FAM53B: variants seen among roughly 807,000 people sequenced by gnomAD.
FAM53B encodes family with sequence similarity 53 member B, also known as protein FAM53B.
In FAM53B, 12 loss-of-function variants were observed where a neutral mutation model predicts 32.7. The observed-to-expected ratio is 0.37, with a 90% confidence interval of 0.24 to 0.59. The LOEUF is 0.59. Among genes scored for constraint, FAM53B ranks in the 20% least tolerant of loss-of-function variants. The pLI is 0.72. For missense variants in FAM53B, 477 were observed against 577.7 expected (o/e 0.83, Z 1.79); for synonymous variants, 234 against 228.7 (o/e 1.02, Z -0.21).
chr10:124,716,756 A>T (rs1007136083), intron 1 of FAM53B, among the ~76,000 whole-genome samples: 1 of 152,148 alleles, frequency 6.6e-6, no homozygotes, highest in Non-Finnish European at 1.5e-5. Flanking sequence ...GACACACTCA[A>T]AAGGAAGGAG....
chr10:124,702,485 C>T (rs182475324), intron 2 of FAM53B, among the ~76,000 whole-genome samples: 4 of 152,316 alleles, frequency 2.6e-5, no homozygotes, highest in Non-Finnish European at 5.9e-5. Context: ...TTATTTACAT[C>T]GTGTGTCTCT....
intron 1 of FAM53B, 76 bp from the exon 2 acceptor site, chr10:124,706,963 TACTGGAAATCCCAGGGG>T: frequency 1.5e-6 from 2 of 1,310,444 alleles, no homozygotes; most frequent in South Asian, 3.2e-5. Flanking sequence ...CCTCCCACAG[TACTGGAAATCCCAGGGG>T]ACTGGAACCA....
At chr10:124,739,697 T>C (rs1249063402) in intron 1 of FAM53B, among the ~76,000 whole-genome samples, 1 of 151,826 alleles carries the variant, frequency 6.6e-6, no homozygotes, top group Non-Finnish European at 1.5e-5. Context: ...GGCCAAGCTG[T>C]CCCCCATCCC....
chr10:124,657,636 T>C (rs889363293), intron 4 of FAM53B, among the ~76,000 whole-genome samples: 3 of 152,256 alleles, frequency 2.0e-5, no homozygotes, highest in African/African-American at 4.8e-5. Context: ...GTAGAAACAG[T>C]AAATGTCAAT....
chr10:124,718,856 G>A (rs1305851993), intron 1 of FAM53B, among the ~76,000 whole-genome samples: 1 of 152,170 alleles, frequency 6.6e-6, no homozygotes, highest in Non-Finnish European at 1.5e-5. Context: ...AAGACCAGCT[G>A]GGCAACATGG....
At chr10:124,696,429 G>A (rs1411653349) in intron 2 of FAM53B, among the ~76,000 whole-genome samples, 3 of 152,172 alleles carry the variant, frequency 2.0e-5, no homozygotes, top group Admixed American at 6.5e-5. Context: ...GGAGTCCATC[G>A]AGTTAATGGG....
In FAM53B at chr10:124,643,371, C is replaced by T. The variant is rs895670678; in HGVS notation, c.907-19767G>A. On this transcript the variant is annotated intron_variant, in intron 4 of 4. Coordinates refer to ENST00000337318, the MANE Select transcript of FAM53B (RefSeq NM_014661.4). ...GGCCCTCAGCAGTTCTCCCTATTCA[C>T]GACGCGCAGGTGGCTGATAAATTTC... is the stretch of plus-strand genomic sequence containing the variant. Among the ~76,000 whole-genome samples the T allele has an allele frequency of 1.5e-4, 23 of 152,270 alleles. 1 individual carries two copies. Among genetic ancestry groups the T allele is most frequent in the African/African-American group, 3.6e-4 (15 of 41,472 alleles).
At chr10:124,697,868 C>T (rs1375427124) in intron 2 of FAM53B, among the ~76,000 whole-genome samples, 1 of 152,162 alleles carries the variant, frequency 6.6e-6, no homozygotes, top group Non-Finnish European at 1.5e-5. Flanking sequence ...TCCCCTCTAC[C>T]GCCATCTGTG....
intron 1 of FAM53B, among the ~76,000 whole-genome samples, chr10:124,732,633 G>T (rs1331096954): frequency 6.6e-6 from 1 of 152,118 alleles, no homozygotes; most frequent in Non-Finnish European, 1.5e-5. Context: ...CCCAGGCGGG[G>T]GCATCACCTG....
intron 3 of FAM53B, among the ~76,000 whole-genome samples, chr10:124,684,660 C>T (rs537251349): frequency 2.6e-5 from 4 of 152,234 alleles, no homozygotes; most frequent in Non-Finnish European, 5.9e-5. Flanking sequence ...GCTGGGATTA[C>T]AGGCATGTAC....
rs1441733171 is a variant in FAM53B at position 124,733,539 on chromosome 10, A to G, written c.-175+10474T>C. 6.6e-6 allele frequency among the ~76,000 whole-genome samples: 1 copy of G among 152,172 alleles called. No homozygotes were observed. The highest frequency in any genetic ancestry group is 1.5e-5 in the Non-Finnish European group (1 of 68,026). ...TTCCCTTTAAAGAAAAAAAAAAGGTAGTTTTACACTGAATCAGACTGTTTC... is the reference window on the plus strand; with the variant it reads ...TTCCCTTTAAAGAAAAAAAAAAGGTGGTTTTACACTGAATCAGACTGTTTC... On this transcript the variant is annotated intron_variant, in intron 1 of 4. Transcript: ENST00000337318. The surrounding 1 kb of genome is among the most constrained non-coding windows in gnomAD (Gnocchi z 4.3).
chr10:124,681,562 G>A, intron 4 of FAM53B, 45 bp downstream of exon 4: 2 of 1,492,924 alleles, frequency 1.3e-6, no homozygotes, highest in Non-Finnish European at 1.8e-6. Context: ...ACCAGCAGAG[G>A]CTCCAGTGAG....
Position 124,727,060 on chromosome 10 carries a change from C to G in FAM53B, c.-175+16953G>C, listed in dbSNP as rs527568708. Reference sequence around the variant, plus strand: ...TGGAGACAGGGTCTCACTCTGTCACCCAGGCTGGAGTGCAGTGGCACGATC... The same window carrying G: ...TGGAGACAGGGTCTCACTCTGTCACGCAGGCTGGAGTGCAGTGGCACGATC... On this transcript the variant is annotated intron_variant, in intron 1 of 4. Coordinates refer to ENST00000337318, the MANE Select transcript of FAM53B (RefSeq NM_014661.4). 2.3e-3 allele frequency among the ~76,000 whole-genome samples: 351 copies of G among 152,190 alleles called. 3 individuals carry two copies. Among genetic ancestry groups the G allele is most frequent in the African/African-American group, 8.2e-3 (340 of 41,516 alleles).
At chr10:124,737,038 C>A (rs1184315159) in intron 1 of FAM53B, among the ~76,000 whole-genome samples, 5 of 152,230 alleles carry the variant, frequency 3.3e-5, no homozygotes, top group Non-Finnish European at 7.3e-5. Flanking sequence ...TTTCTGCAGG[C>A]AGCATGTCTT....
chr10:124,669,225 T>C (rs1321868180), intron 4 of FAM53B, among the ~76,000 whole-genome samples: 1 of 152,232 alleles, frequency 6.6e-6, no homozygotes, highest in African/African-American at 2.4e-5. Context: ...ACTTGAGGGA[T>C]GTAACGCGCA....
chr10:124,728,647 A>G (rs1311746253), intron 1 of FAM53B, among the ~76,000 whole-genome samples: 1 of 152,252 alleles, frequency 6.6e-6, no homozygotes, highest in Non-Finnish European at 1.5e-5. Context: ...TATGCAAGAT[A>G]TAGAAACAAG....
At chr10:124,668,036 G>T (rs1419109933) in intron 4 of FAM53B, among the ~76,000 whole-genome samples, 2 of 152,182 alleles carry the variant, frequency 1.3e-5, no homozygotes, top group Non-Finnish European at 2.9e-5. Flanking sequence ...CTCCTAGCAG[G>T]GGAGCCCAGG....
chr10:124,681,513 C>T lies in FAM53B; in HGVS notation c.906+94G>A, dbSNP rs1340171990. The T allele has an allele frequency of 9.6e-6, 11 of 1,145,908 alleles. No individual in the cohort carries two copies. In the African/African-American group the frequency reaches 1.7e-4, roughly 18 times the overall value. The allele number at this position is 1,145,908 out of a possible 1,614,324, so 71.0% of individuals were successfully genotyped here. A position where few individuals can be genotyped will look rare whatever the true frequency, so the allele number is the denominator to read the frequency against. The stretch of plus-strand genomic sequence containing the variant: ...GAAATTAACCCACTCCTGGGTATTT[C>T]TGAAACTGGCAATCTATGCTTGTCT... On this transcript the variant is annotated intron_variant, in intron 4 of 4. Transcript: ENST00000337318.
At chr10:124,678,932 G>A (rs1177081569) in intron 4 of FAM53B, among the ~76,000 whole-genome samples, 1 of 152,194 alleles carries the variant, frequency 6.6e-6, no homozygotes, top group Admixed American at 6.5e-5. Context: ...GGACCTCTAG[G>A]GGAGCTGCAG....
Sources: allele counts gnomAD v4.1 joint callset (sites outside exome capture counted in the v4.1 genomes callset), GRCh38; gene constraint gnomAD v4.1.1; non-coding constraint Gnocchi (gnomAD v3.1); transcripts MANE v1.5; gene names NCBI Gene and HGNC (gene_info 2026-07-23, HGNC 2026-07-21).